DIAPH2: variants seen among roughly 807,000 people sequenced by gnomAD.
The protein encoded by DIAPH2 is protein diaphanous homolog 2.
DIAPH2 carries 35 observed loss-of-function variants against 92.7 expected under a neutral mutation model. The observed-to-expected ratio is 0.38, with a 90% CI of 0.29 to 0.50. The LOEUF is 0.50. Among genes scored for constraint, DIAPH2 ranks in the 20% least tolerant of loss-of-function variants. The probability of loss-of-function intolerance (pLI) is 0.94; values close to 1 mark genes in which losing one functional copy is unlikely to be tolerated. For synonymous variants in DIAPH2, 301 were observed against 280.4 expected, an observed-to-expected ratio of 1.07 and a Z score of -0.73; for missense variants, 701 against 819.5, an observed-to-expected ratio of 0.86 and a Z score of 1.77.
At chrX:97,102,457 G>A (rs967100939) in intron 20 of DIAPH2, among the ~76,000 whole-genome samples, 1 of 111,798 alleles carries the variant, frequency 8.9e-6, no homozygotes, top group Non-Finnish European at 1.9e-5. Context: ...CTTATTCTCT[G>A]TCAAGCCTCA....
intron 21 of DIAPH2, among the ~76,000 whole-genome samples, chrX:97,131,252 T>C (rs2067136348): frequency 8.9e-6 from 1 of 111,928 alleles, no homozygotes; most frequent in Admixed American, 9.5e-5. Flanking sequence ...AATATTTATA[T>C]GGTCAACTAA....
intron 26 of DIAPH2, chrX:97,533,123 A>T (rs979221950): frequency 8.9e-6 from 1 of 111,936 alleles, no homozygotes; most frequent in Non-Finnish European, 1.9e-5. Context: ...ACCATTTTAA[A>T]CATTTAGCCA....
Position 96,941,940 on chromosome X carries a change from A to G in DIAPH2, c.1326-78A>G, listed in dbSNP as rs772680322. 1.9e-4 allele frequency: 105 copies of G among 554,796 alleles called. No individual in the cohort carries two copies. The South Asian group carries it at 2.9e-3, about 15-fold the overall frequency. The allele number at this position is 554,796 out of a possible 1,213,427, so 45.7% of individuals were successfully genotyped here. A position where few individuals can be genotyped will look rare whatever the true frequency, so the allele number is the denominator to read the frequency against. Reference sequence around the variant, plus strand: ...TCCAGAAAAAAGACCTAGTTCTTCTAATATGTTGAATGTTTTCTAAAGCAA... The same window carrying G: ...TCCAGAAAAAAGACCTAGTTCTTCTGATATGTTGAATGTTTTCTAAAGCAA... On this transcript the variant is annotated intron_variant, in intron 12 of 26. Transcript: ENST00000324765.
At chrX:96,693,334 G>A (rs2063807811) in intron 1 of DIAPH2, among the ~76,000 whole-genome samples, 1 of 112,190 alleles carries the variant, frequency 8.9e-6, no homozygotes, top group Admixed American at 9.5e-5. Flanking sequence ...GAGCCAGAGA[G>A]CTGGCATTTT....
intron 23 of DIAPH2, among the ~76,000 whole-genome samples, chrX:97,263,181 C>G (rs1413192168): frequency 8.9e-6 from 1 of 111,937 alleles, no homozygotes; most frequent in Non-Finnish European, 1.9e-5. Context: ...TTTTTTTCCT[C>G]TATCATAGCT....
intron 4 of DIAPH2, among the ~76,000 whole-genome samples, chrX:96,825,005 G>A (rs1054513842): frequency 9.3e-6 from 1 of 107,028 alleles, no homozygotes; most frequent in Non-Finnish European, 1.9e-5. Context: ...GAGTGCATTG[G>A]CGTGATCTCA....
intron 26 of DIAPH2, among the ~76,000 whole-genome samples, chrX:97,539,946 C>T (rs778304609): frequency 1.8e-5 from 2 of 111,435 alleles, no homozygotes; most frequent in African/African-American, 6.5e-5. Flanking sequence ...TGCATGTTTA[C>T]CCCATTATAG....
chrX:96,983,412 G>A (rs935184930), intron 17 of DIAPH2, among the ~76,000 whole-genome samples: 3 of 111,306 alleles, frequency 2.7e-5, no homozygotes, highest in African/African-American at 9.8e-5. Context: ...TAAATAATAT[G>A]TGATGACAAA....
At chrX:97,312,431 C>T (rs1322360621) in intron 23 of DIAPH2, among the ~76,000 whole-genome samples, 1 of 98,442 alleles carries the variant, frequency 1.0e-5, no homozygotes, top group African/African-American at 3.8e-5. Flanking sequence ...CTCATTGCAA[C>T]CTCCTCCTCC....
chrX:97,103,971 A>G (rs762501284), intron 20 of DIAPH2, among the ~76,000 whole-genome samples: 5 of 111,283 alleles, frequency 4.5e-5, no homozygotes, highest in African/African-American at 1.6e-4. Context: ...TCTCTTGTTT[A>G]TACTTCAAGT....
chrX:97,230,224 A>G (rs2067999968), intron 22 of DIAPH2, among the ~76,000 whole-genome samples: 1 of 112,010 alleles, frequency 8.9e-6, no homozygotes, highest in African/African-American at 3.2e-5. Context: ...CAGATATTAC[A>G]ATAAATGTAT....
At chrX:97,425,826 A>ATG (rs34389353) in intron 25 of DIAPH2, among the ~76,000 whole-genome samples, 31,773 of 103,423 alleles carry the variant, frequency 0.31, 4,561 homozygotes, top group East Asian at 0.54. Context: ...GTGTATGTAT[A>ATG]TGTGTGTGTG....
intron 26 of DIAPH2, among the ~76,000 whole-genome samples, chrX:97,543,533 C>T (rs935833825): frequency 4.5e-5 from 5 of 110,337 alleles, no homozygotes; most frequent in Admixed American, 1.9e-4. Context: ...GACAGAGTCT[C>T]ACTCTGTCGA....
At position 97,075,220 on chromosome X, in the gene DIAPH2, C is replaced by T. The variant is rs939283164; in HGVS notation, c.2206C>T (p.Leu736=). 1.7e-5 allele frequency: 20 copies of T among 1,190,888 alleles called. No homozygotes were observed. The highest frequency in any genetic ancestry group is 2.3e-5 in the Non-Finnish European group (20 of 884,239). ...ATATGAAGACATAAGAAACGTTATT[C>T]TGGAGGTTAATGAAGACATGCTGAG... is the stretch of plus-strand genomic sequence containing the variant. ...MPYEDIRNVI[L]EVNEDMLSEA... The change falls in exon 19 of 27, where the codon CTG becomes TTG. Residue 736 remains leucine (L), a synonymous_variant. Coordinates refer to ENST00000324765, the MANE Select transcript of DIAPH2 (RefSeq NM_006729.5).
intron 26 of DIAPH2, among the ~76,000 whole-genome samples, chrX:97,500,922 A>C (rs979249184): frequency 1.9e-5 from 2 of 107,460 alleles, no homozygotes; most frequent in Admixed American, 1.0e-4. Flanking sequence ...TTGAATCTAC[A>C]CTTCTATTCC....
chrX:97,293,378 G>A (rs1303737050), intron 23 of DIAPH2, among the ~76,000 whole-genome samples: 6 of 104,844 alleles, frequency 5.7e-5, no homozygotes, highest in Admixed American at 1.1e-4. Flanking sequence ...TCAGCCTCCC[G>A]AGTAGCTGGG....
chrX:97,397,111 G>A (rs1402353525), intron 25 of DIAPH2, among the ~76,000 whole-genome samples: 1 of 111,588 alleles, frequency 9.0e-6, no homozygotes, highest in African/African-American at 3.3e-5. Context: ...AGAAGACATC[G>A]TTTAAGAAAG....
intron 24 of DIAPH2, among the ~76,000 whole-genome samples, chrX:97,364,253 T>G (rs183799327): frequency 9.0e-6 from 1 of 111,652 alleles, no homozygotes; most frequent in East Asian, 2.8e-4. Flanking sequence ...TCTGGTGTCA[T>G]AATATAGCTT....
At chrX:97,438,878 C>A (rs1170674753) in intron 26 of DIAPH2, among the ~76,000 whole-genome samples, 4 of 111,820 alleles carry the variant, frequency 3.6e-5, no homozygotes. Context: ...ATTTTACTTT[C>A]AAATATGTGA....
Sources: allele counts gnomAD v4.1 joint callset (sites outside exome capture counted in the v4.1 genomes callset), GRCh38; gene constraint gnomAD v4.1.1; transcripts MANE v1.5; gene names NCBI Gene and HGNC (gene_info 2026-07-23, HGNC 2026-07-21).